ARHGAP45: variants seen among roughly 807,000 people sequenced by gnomAD.
The protein encoded by ARHGAP45 is rho GTPase-activating protein 45.
In ARHGAP45, 56 loss-of-function variants were observed where a neutral mutation model predicts 116.1. The ratio of observed to expected loss-of-function variants is 0.48; its 90% CI spans 0.39 to 0.60. The LOEUF is 0.60. Among genes scored for constraint, ARHGAP45 ranks in the 20% least tolerant of loss-of-function variants. The pLI is 0.00. For synonymous variants in ARHGAP45, 866 were observed against 701.7 expected (o/e 1.23, Z -3.70); for missense variants, 1,622 against 1,601.0 (o/e 1.01, Z -0.22).
At position 1,074,160 on chromosome 19, in the gene ARHGAP45, G is replaced by A; in HGVS notation, c.847G>A (p.Asp283Asn). ...GCTACAGCGCTGTGAGGGGGGCGTG[G>A]ATGCCGCACTGCTGTATGCCAAGAA... ...VLLQRCEGGV[D>N]AALLYAKNMA... The change falls in exon 7 of 23, where the codon GAT becomes AAT. Residue 283 changes from aspartate to asparagine, a missense_variant. Around this residue, in one of 3 missense-constraint regions of ARHGAP45, gnomAD observed 1,334 missense variants for 1,263.8 expected, o/e 1.06. Coordinates refer to ENST00000313093, the MANE Select transcript of ARHGAP45 (RefSeq NM_012292.5). 1 of 1,613,466 alleles carries A rather than the reference G, an allele frequency of 6.2e-7. No individual in the cohort carries two copies. Among genetic ancestry groups the A allele is most frequent in the Non-Finnish European group, 8.5e-7 (1 of 1,180,008 alleles).
chr19:1,085,856 C>G lies in ARHGAP45; in HGVS notation c.3261C>G (p.Asp1087Glu), dbSNP rs200504479. 2.5e-6 allele frequency: 4 copies of G among 1,612,880 alleles called. No homozygotes were observed. The highest frequency in any genetic ancestry group is 2.5e-6 in the Non-Finnish European group (3 of 1,179,916). The change falls in exon 23 of 23, where the codon GAC becomes GAG. Residue 1087 changes from aspartate (D) to glutamate (E), a missense_variant. Physicochemically the swap from Asp to Glu is conservative, Grantham distance 45. Around this residue, in one of 3 missense-constraint regions of ARHGAP45, gnomAD observed 1,334 missense variants for 1,263.8 expected, o/e 1.06. Transcript: ENST00000313093. The stretch of plus-strand genomic sequence containing the variant: ...AGGCCACAGCCCGGGAGGACGGGGA[C>G]GGGGACGAGGACGGCCCGGCCCAGC... ...QLEATAREDG[D>E]GDEDGPAQQL...
intron 22 of ARHGAP45, among the ~76,000 whole-genome samples, 178 bp from the exon 23 acceptor site, chr19:1,085,482 A>G (rs1568489200): frequency 1.6e-5 from 2 of 125,242 alleles, no homozygotes; most frequent in African/African-American, 5.6e-5. Flanking sequence ...ATGTCTCTCC[A>G]TCTGTCTGTC....
chr19:1,078,723 A>G lies in ARHGAP45; in HGVS notation c.1374+678A>G, dbSNP rs566945954. ...CGCGCCCGGCCCCGATTTTTAAATTATTATTATTTTTGAGACAGTGTCTTG... is the reference window on the plus strand; with the variant it reads ...CGCGCCCGGCCCCGATTTTTAAATTGTTATTATTTTTGAGACAGTGTCTTG... On this transcript the variant is annotated intron_variant, in intron 11 of 22. Transcript: ENST00000313093. Among the ~76,000 whole-genome samples the G allele has an allele frequency of 2.7e-3, 401 of 150,206 alleles. 2 individuals are homozygous for G. Among genetic ancestry groups the G allele is most frequent in the African/African-American group, 9.5e-3 (390 of 40,954 alleles).
At position 1,069,348 on chromosome 19, in the gene ARHGAP45, G is replaced by A. The variant is rs2043096872; in HGVS notation, c.421+604G>A. Among the ~76,000 whole-genome samples the A allele has an allele frequency of 1.3e-5, 2 of 152,324 alleles. No individual in the cohort carries two copies. Among genetic ancestry groups the A allele is most frequent in the South Asian group, 4.1e-4 (2 of 4,832 alleles). ...GCCGCTGACAGCCCTGCTTCCTGCC[G>A]AGTTATTTTCATCTGCTTCCTGTTT... On this transcript the variant is annotated intron_variant, in intron 2 of 22. Coordinates refer to ENST00000313093, the MANE Select transcript of ARHGAP45 (RefSeq NM_012292.5). This position sits in a 1 kb window ranked among gnomAD's most constrained non-coding sequence, Gnocchi z 4.1.
In ARHGAP45 at chr19:1,081,897, T is replaced by A; in HGVS notation, c.2453T>A (p.Leu818Gln). Residue 818 changes from leucine to glutamine, a missense_variant, in exon 19 of 23, where the codon CTG becomes CAG. This residue lies in a region of ARHGAP45 where 1,334 missense variants were observed against 1,263.8 expected (regional missense o/e 1.06). Transcript: ENST00000313093. ...LCQAFENGKE[L>Q]VELSQASPHD... Reference sequence around the variant, plus strand: ...CAGGCCTTCGAGAACGGCAAGGAGCTGGTCGAGCTGTCGCAGGCCTCGCCC... The same window carrying A: ...CAGGCCTTCGAGAACGGCAAGGAGCAGGTCGAGCTGTCGCAGGCCTCGCCC... The A allele has an allele frequency of 6.2e-7, 1 of 1,613,122 alleles. No individual in the cohort carries two copies. Among genetic ancestry groups the A allele is most frequent in the Non-Finnish European group, 8.5e-7 (1 of 1,179,886 alleles).
intron 2 of ARHGAP45, among the ~76,000 whole-genome samples, chr19:1,070,710 C>T (rs1408831788): frequency 6.6e-6 from 1 of 151,868 alleles, no homozygotes; most frequent in East Asian, 1.9e-4. Flanking sequence ...CTAGAACTCC[C>T]GAGCTAAAAA....
rs147170934 is a variant in ARHGAP45, at chr19:1,081,835, G to A, written c.2391G>A (p.Arg797=). 1.3e-3 allele frequency: 2,049 copies of A among 1,609,998 alleles called. 23 individuals are homozygous for A. In the South Asian group the frequency reaches 0.015, roughly 12 times the overall value. ...CCGGGCTCCCGCAGGGCATCTACCG[G>A]GTCAATGGGGTAAAGACACGCGTGG... ...RRALRTKGIY[R]VNGVKTRVEK... The change falls in exon 19 of 23, where the codon CGG becomes CGA. Residue 797 remains arginine (R), a synonymous_variant. Transcript: ENST00000313093.
At chr19:1,066,480 T>A, upstream of ARHGAP45, 1 of 404,024 alleles carries the variant, frequency 2.5e-6, no homozygotes, top group Non-Finnish European at 4.6e-6. Flanking sequence ...TGGGGCAACA[T>A]GATATGGCCC....
intron 17 of ARHGAP45, 75 bp downstream of exon 17, chr19:1,081,139 G>A: frequency 4.7e-6 from 7 of 1,474,280 alleles, no homozygotes; most frequent in Admixed American, 2.1e-5. Flanking sequence ...CGGCCTGTGT[G>A]CCCTCAGGAA....
intron 22 of ARHGAP45, 27 bp from the exon 23 acceptor site, chr19:1,085,633 C>A: frequency 6.7e-7 from 1 of 1,489,462 alleles, no homozygotes; most frequent in South Asian, 1.3e-5. Context: ...TGTCTGTCTC[C>A]CCCCGCCATC....
At chr19:1,084,198 G>A (rs1244589225) in intron 21 of ARHGAP45, 40 bp from the exon 22 acceptor site, 2 of 1,563,302 alleles carry the variant, frequency 1.3e-6, no homozygotes, top group East Asian at 2.2e-5. Flanking sequence ...ATGGAAAATG[G>A]AGCCCCGGCC....
At position 1,080,467 on chromosome 19, in the gene ARHGAP45, G is replaced by C; in HGVS notation, c.1832G>C (p.Gly611Ala). The C allele has an allele frequency of 6.2e-7, 1 of 1,612,778 alleles. No individual in the cohort carries two copies. Among genetic ancestry groups the C allele is most frequent in the African/African-American group, 1.3e-5 (1 of 75,024 alleles). The change falls in exon 15 of 23, where the codon GGG becomes GCG. Residue 611 changes from glycine to alanine, a missense_variant. By Grantham distance (60) the Gly-to-Ala change is moderately conservative (BLOSUM62 0). Coordinates refer to ENST00000313093, the MANE Select transcript of ARHGAP45 (RefSeq NM_012292.5). Reference protein sequence around the residue: ...EGTPAKDHRAGRGHQVHKSWP... With the variant: ...EGTPAKDHRAARGHQVHKSWP... ...CCAGAGACGCCTCTTTCTCCAGCCG[G>C]GCGAGGACACCAGGTTCACAAGTCA...
rs1599761143 is a variant in ARHGAP45 at position 1,077,559 on chromosome 19, A to C, written c.1186-298A>C. On this transcript the variant is annotated intron_variant, in intron 10 of 22. Transcript: ENST00000313093. ...CCACAATGCCCGGCTAATTGTTTTA[A>C]ATTTTGGGTAGATACGGGGTTTCAC... is the stretch of plus-strand genomic sequence containing the variant. 23 of 1,148,386 alleles carry C rather than the reference A, an allele frequency of 2.0e-5. No individual in the cohort carries two copies. In the East Asian group the frequency reaches 3.8e-4, roughly 19 times the overall value. 71.1% of individuals were successfully genotyped at this position (1,148,386 alleles called of 1,614,324 possible).
chr19:1,071,149 G>A lies in ARHGAP45; in HGVS notation c.422-2000G>A. On this transcript the variant is annotated intron_variant, in intron 2 of 22. Transcript: ENST00000313093. This position sits in a 1 kb window ranked among gnomAD's most constrained non-coding sequence, Gnocchi z 4.6. ...GTTAAGGAAGGACCCAGGCTGGGGC[G>A]AACGGGACCCCAGGGCGGGGTTTCC... 2 of 1,291,736 alleles carry A rather than the reference G, an allele frequency of 1.5e-6. No individual in the cohort carries two copies. Among genetic ancestry groups the A allele is most frequent in the Non-Finnish European group, 2.0e-6 (2 of 1,015,690 alleles). 80.0% of individuals were successfully genotyped at this position (1,291,736 alleles called of 1,614,324 possible). A position where few individuals can be genotyped will look rare whatever the true frequency, so the allele number is the denominator to read the frequency against.
Position 1,081,708 on chromosome 19 carries a change from C to G in ARHGAP45, c.2349C>G (p.Cys783Trp). ...CCTTCATCGTCAAGAAGTGCGTCTG[C>G]GAGATCGAGCGGCGGGCGCTGCGCA... The part of the protein sequence containing the change: ...GVPFIVKKCV[C>W]EIERRALRTK... Residue 783 changes from cysteine to tryptophan, a missense_variant, in exon 18 of 23, where the codon TGC (cysteine) becomes TGG (tryptophan). Cys to Trp is a radical substitution (Grantham distance 215). Transcript: ENST00000313093. 1 of 1,585,246 alleles carries G rather than the reference C, an allele frequency of 6.3e-7. No individual in the cohort carries two copies. Among genetic ancestry groups the G allele is most frequent in the Non-Finnish European group, 8.6e-7 (1 of 1,165,366 alleles).
At chr19:1,080,624 G>A (rs2043404758) in intron 15 of ARHGAP45, 58 bp from the exon 16 acceptor site, 1 of 1,604,972 alleles carries the variant, frequency 6.2e-7, no homozygotes, top group Middle Eastern at 1.7e-4. Context: ...CACCCACCGG[G>A]GTGATGGAGG....
At position 1,083,291 on chromosome 19, in the gene ARHGAP45, A is replaced by ACT; in HGVS notation, c.2897_2898dup (p.Ile967SerfsTer30). 6.3e-7 allele frequency: 1 copy of ACT among 1,583,846 alleles called. No individual in the cohort carries two copies. The highest frequency in any genetic ancestry group is 8.6e-7 in the Non-Finnish European group (1 of 1,165,074). On this transcript the variant is annotated frameshift_variant, in exon 21 of 23. Coordinates refer to ENST00000313093, the MANE Select transcript of ARHGAP45 (RefSeq NM_012292.5). LOFTEE classifies it high-confidence loss of function. Reference sequence around the variant, plus strand: ...TCCCCATCAGGCCCGCGTCATCGAGACTCTCATCGTCCACTACGGCCTGGT... The same window carrying ACT: ...TCCCCATCAGGCCCGCGTCATCGAGACTCTCTCATCGTCCACTACGGCCTGGT...
chr19:1,067,589 TG>T (rs2043062757), intron 1 of ARHGAP45, 94 bp downstream of exon 1: 2 of 1,204,064 alleles, frequency 1.7e-6, no homozygotes, highest in East Asian at 5.1e-5. Flanking sequence ...GGGCGGCGGC[TG>T]GGGGCTCGTG....
At chr19:1,085,556 TCC>T (rs533921741) in intron 22 of ARHGAP45, 102 bp from the exon 23 acceptor site, 1 of 771,678 alleles carries the variant, frequency 1.3e-6, no homozygotes, top group African/African-American at 2.0e-5. Flanking sequence ...TCCATCTCTC[TCC>T]CCCCTCTCCT....
Sources: gnomAD v4.1 joint callset for allele counts (sites outside exome capture counted in the v4.1 genomes callset) on GRCh38, gnomAD v4.1.1 for gene constraint, gnomAD v4.1.1 regional missense constraint, Gnocchi (gnomAD v3.1) non-coding constraint, MANE v1.5 for transcripts, NCBI Gene and HGNC (gene_info 2026-07-23, HGNC 2026-07-21) for gene names.